The following PLCG2 variants were observed in gnomAD, a reference collection of about 807,000 sequenced individuals.
The protein encoded by PLCG2 is phospholipase C gamma 2, also known as 1-phosphatidylinositol 4,5-bisphosphate phosphodiesterase gamma-2.
A neutral mutation model predicts 175.6 loss-of-function variants in PLCG2; 69 were observed. The ratio of observed to expected loss-of-function variants is 0.39; its 90% CI spans 0.32 to 0.48. The LOEUF (loss-of-function observed/expected upper bound fraction) is 0.48. Ranked by LOEUF, PLCG2 falls within the 20% of genes least tolerant of loss-of-function variation. The pLI, the probability that PLCG2 is intolerant of heterozygous loss-of-function variation, is 0.91. For missense variants in PLCG2, 1,798 were observed against 1,650.9 expected, an observed-to-expected ratio of 1.09 and a Z score of -1.54; for synonymous variants, 827 against 624.0, an observed-to-expected ratio of 1.33 and a Z score of -4.85.
intron 11 of PLCG2, among the ~76,000 whole-genome samples, chr16:81,892,716 G>C (rs1464881359): frequency 6.6e-6 from 1 of 152,114 alleles, no homozygotes; most frequent in African/African-American, 2.4e-5. Context: ...GGGTCAACTT[G>C]TGTCATGGAG....
chr16:81,953,698 G>C (rs1037310636), intron 31 of PLCG2, among the ~76,000 whole-genome samples: 5 of 152,188 alleles, frequency 3.3e-5, no homozygotes, highest in African/African-American at 1.2e-4. Context: ...CTCAAGTCAA[G>C]AGGGCTGGTT....
intron 19 of PLCG2, 94 bp downstream of exon 19, chr16:81,912,810 T>C (rs879617194): frequency 2.8e-6 from 4 of 1,408,648 alleles, no homozygotes; most frequent in Non-Finnish European, 3.8e-6. Context: ...GAGGCTCACC[T>C]GCAGTGCCCT....
intron 23 of PLCG2, among the ~76,000 whole-genome samples, chr16:81,928,120 GC>G (rs1910352922): frequency 6.6e-6 from 1 of 152,114 alleles, no homozygotes; most frequent in Non-Finnish European, 1.5e-5. Context: ...GGTGATGGGG[GC>G]TCTGAAAGTC....
At position 81,912,755 on chromosome 16, in the gene PLCG2, G is replaced by A. The variant is rs201020357; in HGVS notation, c.2054+39G>A. On this transcript the variant is annotated intron_variant, in intron 19 of 32. Transcript: ENST00000564138. ...TGGGAGGCACATGCTCTACAGAGGG[G>A]CTTGGCAAGGACAGATGCGGAGAGA... 2.4e-4 allele frequency: 375 copies of A among 1,546,968 alleles called. 3 individuals are homozygous for A. Among genetic ancestry groups the A allele is most frequent in the Non-Finnish European group, 5.1e-5 (58 of 1,148,452 alleles).
intron 1 of PLCG2, among the ~76,000 whole-genome samples, chr16:81,744,715 G>A (rs969163200): frequency 6.6e-6 from 1 of 152,072 alleles, no homozygotes; most frequent in Admixed American, 6.6e-5. Flanking sequence ...GGGTCTACAG[G>A]CATGGGTCAC....
At chr16:81,863,937 G>C (rs1010775077) in intron 5 of PLCG2, among the ~76,000 whole-genome samples, 2 of 152,186 alleles carry the variant, frequency 1.3e-5, no homozygotes, top group Non-Finnish European at 1.5e-5. Flanking sequence ...CTTCCTATTT[G>C]AGACTCCAGA....
rs142022471 is a variant in PLCG2 at position 81,869,219 on chromosome 16, G to C, written c.485G>C (p.Ser162Thr). ...TGGGTCTCCCTCTTTTGCAGCATCA[G>C]TCTCCGAGAGTTGAAGACCATCTTG... is the stretch of plus-strand genomic sequence containing the variant. ...SVDQTRRNSI[S>T]LRELKTILPL... Residue 162 changes from serine to threonine, a missense_variant, in exon 6 of 33, where the codon AGT (serine) becomes ACT (threonine). Ser to Thr is a moderately conservative substitution (Grantham distance 58, BLOSUM62 1). Transcript: ENST00000564138. The C allele has an allele frequency of 1.9e-5, 30 of 1,613,490 alleles. No individual in the cohort carries two copies. The highest frequency in any genetic ancestry group is 3.3e-4 in the Middle Eastern group (2 of 6,060).
At chr16:81,785,916 G>C (rs184923289) in intron 1 of PLCG2, 27 bp from the exon 2 acceptor site, 1 of 1,399,906 alleles carries the variant, frequency 7.1e-7, no homozygotes, top group Non-Finnish European at 9.9e-7. Flanking sequence ...ACTAAAATCA[G>C]TTCACTCTTT....
chr16:81,767,663 A>C (rs1910183796), intron 2 of PLCG2: 1 of 152,074 alleles, frequency 6.6e-6, no homozygotes, highest in Non-Finnish European at 1.5e-5. Context: ...TAGTTCTATA[A>C]GTTTTGTCAA....
At chr16:81,887,972 G>T (rs1287318784) in intron 9 of PLCG2, among the ~76,000 whole-genome samples, 1 of 152,144 alleles carries the variant, frequency 6.6e-6, no homozygotes, top group Non-Finnish European at 1.5e-5. Flanking sequence ...AGCCCTGTTT[G>T]CCTATTCTTT....
chr16:81,939,778 G>C, intron 29 of PLCG2, 114 bp from the exon 30 acceptor site: 1 of 684,868 alleles, frequency 1.5e-6, no homozygotes, highest in Non-Finnish European at 2.6e-6. Context: ...TGGCATAGAT[G>C]CATATTTATT....
intron 13 of PLCG2, among the ~76,000 whole-genome samples, chr16:81,898,848 T>C (rs1909011814): frequency 6.6e-6 from 1 of 152,156 alleles, no homozygotes; most frequent in African/African-American, 2.4e-5. Flanking sequence ...CTGCGCCTTA[T>C]TTCAGATGGT....
intron 1 of PLCG2, among the ~76,000 whole-genome samples, chr16:81,748,198 T>C (rs938101527): frequency 6.6e-6 from 1 of 152,142 alleles, no homozygotes; most frequent in Non-Finnish European, 1.5e-5. Flanking sequence ...TGAGATAGCC[T>C]GGCCAACATG....
At chr16:81,766,168 C>T (rs1910145721) in intron 2 of PLCG2, among the ~76,000 whole-genome samples, 1 of 152,122 alleles carries the variant, frequency 6.6e-6, no homozygotes, top group Non-Finnish European at 1.5e-5. Context: ...CAGCTGTGAC[C>T]TTTAGAGTCA....
intron 1 of PLCG2, among the ~76,000 whole-genome samples, chr16:81,751,320 G>A (rs1222341216): frequency 6.6e-6 from 1 of 152,126 alleles, no homozygotes; most frequent in African/African-American, 2.4e-5. Context: ...TCTGTCATTT[G>A]CGACAACATG....
chr16:81,879,342 T>TA (rs1381262521), intron 7 of PLCG2, among the ~76,000 whole-genome samples: 1 of 152,270 alleles, frequency 6.6e-6, no homozygotes, highest in African/African-American at 2.4e-5. Flanking sequence ...CACCCCTTTT[T>TA]AAAAAGAAAT....
intron 3 of PLCG2, among the ~76,000 whole-genome samples, chr16:81,857,204 C>T (rs1201494837): frequency 6.6e-6 from 1 of 152,196 alleles, no homozygotes; most frequent in African/African-American, 2.4e-5. Flanking sequence ...TCATCCCTCT[C>T]TTCTGGTTTA....
At chr16:81,911,386 C>T (rs1229715891) in intron 18 of PLCG2, among the ~76,000 whole-genome samples, 2 of 152,164 alleles carry the variant, frequency 1.3e-5, no homozygotes, top group Admixed American at 6.6e-5. Flanking sequence ...GTGGCAATAA[C>T]TGTGCCTCCC....
At chr16:81,925,924 G>A (rs1164491689) in intron 22 of PLCG2, among the ~76,000 whole-genome samples, 2 of 151,284 alleles carry the variant, frequency 1.3e-5, no homozygotes, top group Non-Finnish European at 2.9e-5. Context: ...ATATCATATA[G>A]AGGGGAAGAC....
Sources: allele counts gnomAD v4.1 joint callset (sites outside exome capture counted in the v4.1 genomes callset), GRCh38; gene constraint gnomAD v4.1.1; transcripts MANE v1.5; gene names NCBI Gene and HGNC (gene_info 2026-07-23, HGNC 2026-07-21).